The following KAZN variants were observed in gnomAD, a reference collection of about 807,000 sequenced individuals.
KAZN encodes the protein kazrin.
A neutral mutation model predicts 87.4 loss-of-function variants in KAZN; 40 were observed. That is an observed-to-expected ratio of 0.46 (90% confidence interval 0.36 to 0.60). The LOEUF (loss-of-function observed/expected upper bound fraction) is 0.60, where lower values mean the gene tolerates loss of function less well. Among genes scored for constraint, KAZN ranks in the 20% least tolerant of loss-of-function variants. The pLI, the probability that KAZN is intolerant of heterozygous loss-of-function variation, is 0.00. For synonymous variants in KAZN, 466 were observed against 458.3 expected (o/e 1.02, Z -0.22); for missense variants, 898 against 1,073.9 (o/e 0.84, Z 2.29).
chr1:14,724,072 C>T (rs954110796), intron 1 of KAZN, among the ~76,000 whole-genome samples: 8 of 152,138 alleles, frequency 5.3e-5, no homozygotes, highest in African/African-American at 1.7e-4. Flanking sequence ...ACAACAACAA[C>T]GTGATTTTTC....
At chr1:14,964,162 G>A (rs1572935010) in intron 2 of KAZN, among the ~76,000 whole-genome samples, 1 of 152,110 alleles carries the variant, frequency 6.6e-6, no homozygotes, top group Non-Finnish European at 1.5e-5. Flanking sequence ...TGGGATTCCT[G>A]GGTCAAATGG....
At chr1:14,395,239 C>G (rs1330151909) in intron 2 of KAZN, among the ~76,000 whole-genome samples, 3 of 152,178 alleles carry the variant, frequency 2.0e-5, no homozygotes, top group African/African-American at 7.2e-5. Context: ...GCTGTTTCTA[C>G]ATATCACCTC....
chr1:14,743,087 G>A (rs899089793), intron 1 of KAZN, among the ~76,000 whole-genome samples: 3 of 152,144 alleles, frequency 2.0e-5, no homozygotes, highest in Admixed American at 2.0e-4. Context: ...TGCGTCGCAG[G>A]CATGAAGAGG....
intron 1 of KAZN, among the ~76,000 whole-genome samples, chr1:14,622,494 T>C (rs994214519): frequency 6.6e-6 from 1 of 151,954 alleles, no homozygotes; most frequent in Non-Finnish European, 1.5e-5. Context: ...ATCGACACCA[T>C]CCTGGCGAAC....
intron 8 of KAZN, among the ~76,000 whole-genome samples, chr1:15,069,186 C>T (rs1003162012): frequency 6.6e-6 from 1 of 152,090 alleles, no homozygotes; most frequent in African/African-American, 2.4e-5. Flanking sequence ...TCTCCCTGGC[C>T]CCATGCAGAC....
intron 2 of KAZN, among the ~76,000 whole-genome samples, chr1:14,305,643 GA>G (rs1654865921): frequency 6.6e-6 from 1 of 151,922 alleles, no homozygotes; most frequent in Non-Finnish European, 1.5e-5. Context: ...TGACATAAGG[GA>G]AGTCTGCTCT....
At chr1:14,198,054 G>A (rs1344361297) in intron 2 of KAZN, among the ~76,000 whole-genome samples, 5 of 152,012 alleles carry the variant, frequency 3.3e-5, no homozygotes, top group African/African-American at 7.3e-5. Flanking sequence ...TGTTGTAGTC[G>A]TAGTAAAAAC....
At chr1:14,815,818 T>C (rs1407609920) in intron 1 of KAZN, among the ~76,000 whole-genome samples, 1 of 152,162 alleles carries the variant, frequency 6.6e-6, no homozygotes, top group African/African-American at 2.4e-5. Context: ...CAGGCAGTGA[T>C]AAGGCAGCAA....
At chr1:14,320,857 T>C (rs1456049394) in intron 2 of KAZN, among the ~76,000 whole-genome samples, 2 of 152,216 alleles carry the variant, frequency 1.3e-5, no homozygotes, top group Non-Finnish European at 2.9e-5. Context: ...CTCAGCTCTA[T>C]AGTCCTCCAT....
At chr1:14,912,494 C>G (rs1406780718) in intron 1 of KAZN, among the ~76,000 whole-genome samples, 1 of 152,156 alleles carries the variant, frequency 6.6e-6, no homozygotes, top group Admixed American at 6.5e-5. Flanking sequence ...CTCCCTCCCA[C>G]CTCAGCCTCC....
chr1:14,412,986 A>T (rs1482233538), intron 2 of KAZN, among the ~76,000 whole-genome samples: 1 of 148,524 alleles, frequency 6.7e-6, no homozygotes, highest in African/African-American at 2.4e-5. Flanking sequence ...TATAAAATAT[A>T]AAAACACATA....
chr1:14,251,296 G>T (rs139472810), intron 2 of KAZN, among the ~76,000 whole-genome samples: 1 of 152,316 alleles, frequency 6.6e-6, no homozygotes, highest in Non-Finnish European at 1.5e-5. Context: ...GGTTGATTGA[G>T]ATAGAAGTCA....
intron 1 of KAZN, among the ~76,000 whole-genome samples, chr1:14,651,845 T>A (rs966439203): frequency 6.6e-6 from 1 of 152,220 alleles, no homozygotes; most frequent in Admixed American, 6.5e-5. Context: ...TGTGGCTCAA[T>A]CTGGAAGCTT....
intron 1 of KAZN, among the ~76,000 whole-genome samples, chr1:14,614,295 A>G (rs1341535862): frequency 6.6e-6 from 1 of 152,254 alleles, no homozygotes; most frequent in Admixed American, 6.5e-5. Flanking sequence ...GCTGTCTTAT[A>G]ATAAACCACT....
chr1:14,016,639 G>T (rs1640587784), intron 1 of KAZN, among the ~76,000 whole-genome samples: 1 of 152,076 alleles, frequency 6.6e-6, no homozygotes, highest in African/African-American at 2.4e-5. Context: ...TTCTTTTAGA[G>T]GCTTCCATAA....
intron 1 of KAZN, among the ~76,000 whole-genome samples, chr1:14,800,319 G>A (rs1219246653): frequency 6.6e-6 from 1 of 152,156 alleles, no homozygotes; most frequent in East Asian, 1.9e-4. Flanking sequence ...GAGCTGAAAG[G>A]TGCAAATAAC....
At chr1:14,526,923 G>A (rs189604891) in intron 2 of KAZN, among the ~76,000 whole-genome samples, 64 of 152,338 alleles carry the variant, frequency 4.2e-4, no homozygotes, top group African/African-American at 1.5e-3. Context: ...ATAGTGCGGA[G>A]TTCTTGCTAA....
intron 2 of KAZN, among the ~76,000 whole-genome samples, chr1:14,586,647 T>C (rs967090538): frequency 1.3e-5 from 2 of 151,922 alleles, no homozygotes; most frequent in African/African-American, 4.8e-5. Context: ...CCTCCGGCTT[T>C]GGCCTCCCAA....
chr1:14,136,971 C>A (rs1175564774), intron 1 of KAZN, among the ~76,000 whole-genome samples: 1 of 152,142 alleles, frequency 6.6e-6, no homozygotes, highest in African/African-American at 2.4e-5. Flanking sequence ...GAGAGAAAGA[C>A]TTTGCCAGCC....
Sources: gnomAD v4.1 joint callset for allele counts (sites outside exome capture counted in the v4.1 genomes callset) on GRCh38, gnomAD v4.1.1 for gene constraint, MANE v1.5 for transcripts, NCBI Gene and HGNC (gene_info 2026-07-23, HGNC 2026-07-21) for gene names.